Variants in ZC4H2 observed in about 807,000 individuals in gnomAD.
ZC4H2 encodes zinc finger C4H2-type containing, also known as zinc finger C4H2 domain-containing protein.
For missense variants in ZC4H2, 137 were observed against 173.9 expected (o/e 0.79, Z 1.19); for synonymous variants, 84 against 66.3 (o/e 1.27, Z -1.30).
chrX:65,002,425 G>C (rs773332696), intron 1 of ZC4H2, among the ~76,000 whole-genome samples: 1 of 107,330 alleles, frequency 9.3e-6, no homozygotes, highest in East Asian at 3.0e-4. Context: ...CCGGCCAGCC[G>C]CCCCATCCGG....
chrX:65,023,460 T>C (rs1359432292), intron 1 of ZC4H2, among the ~76,000 whole-genome samples: 2 of 111,664 alleles, frequency 1.8e-5, no homozygotes, highest in Non-Finnish European at 3.8e-5. Flanking sequence ...TGCTTTCAGT[T>C]TTTCTCAAAA....
At chrX:64,960,312 A>G (rs1321460802) in intron 1 of ZC4H2, among the ~76,000 whole-genome samples, 1 of 109,282 alleles carries the variant, frequency 9.2e-6, no homozygotes, top group Non-Finnish European at 1.9e-5. Flanking sequence ...CACCGTTTTA[A>G]TTTTTTTTTA....
intron 1 of ZC4H2, among the ~76,000 whole-genome samples, chrX:65,025,561 G>C (rs1439113656): frequency 9.0e-6 from 1 of 111,643 alleles, no homozygotes; most frequent in African/African-American, 3.3e-5. Flanking sequence ...CTCCGAGTGA[G>C]AGAGTGGGAT....
At chrX:65,003,187 G>A (rs1932583942) in intron 1 of ZC4H2, among the ~76,000 whole-genome samples, 1 of 108,896 alleles carries the variant, frequency 9.2e-6, no homozygotes, top group South Asian at 3.9e-4. Context: ...AATGACTACT[G>A]GGTAAATAAC....
At chrX:64,967,460 G>C (rs1048946175) in intron 1 of ZC4H2, among the ~76,000 whole-genome samples, 2 of 111,862 alleles carry the variant, frequency 1.8e-5, no homozygotes, top group African/African-American at 6.5e-5. Context: ...GGTTCTTGTG[G>C]ATGAATGATA....
At chrX:64,980,805 G>T (rs1057061395), upstream of ZC4H2, among the ~76,000 whole-genome samples, 1 of 110,756 alleles carries the variant, frequency 9.0e-6, no homozygotes, top group Non-Finnish European at 1.9e-5. Flanking sequence ...AGTTACCCAA[G>T]ATCCCAGTTC....
intron 1 of ZC4H2, among the ~76,000 whole-genome samples, chrX:64,926,354 A>G (rs925253468): frequency 4.4e-5 from 5 of 112,546 alleles, no homozygotes; most frequent in African/African-American, 1.6e-4. Context: ...GTAATTATGA[A>G]TAAAGCCACT....
At chrX:64,937,447 T>G (rs1273003943) in intron 1 of ZC4H2, among the ~76,000 whole-genome samples, 1 of 111,557 alleles carries the variant, frequency 9.0e-6, no homozygotes, top group Non-Finnish European at 1.9e-5. Flanking sequence ...CTAATAGATA[T>G]CTACAGAACT....
At chrX:64,923,426 C>T (rs1929292765) in intron 1 of ZC4H2, among the ~76,000 whole-genome samples, 2 of 110,341 alleles carry the variant, frequency 1.8e-5, no homozygotes, top group Non-Finnish European at 3.8e-5. Context: ...TTTGTAGTCT[C>T]CTTTCTTCTC....
chrX:64,946,013 G>A (rs1218615620), intron 1 of ZC4H2, among the ~76,000 whole-genome samples: 4 of 110,982 alleles, frequency 3.6e-5, no homozygotes, highest in African/African-American at 6.6e-5. Flanking sequence ...TAGCTTGCTG[G>A]GCTCTGTGGG....
At chrX:65,006,653 A>T (rs1323656047) in intron 1 of ZC4H2, among the ~76,000 whole-genome samples, 1 of 111,754 alleles carries the variant, frequency 8.9e-6, no homozygotes, top group Non-Finnish European at 1.9e-5. Flanking sequence ...GCACATGTAT[A>T]CATATGCAAT....
At chrX:65,020,704 G>A (rs914859353) in intron 1 of ZC4H2, among the ~76,000 whole-genome samples, 4 of 111,451 alleles carry the variant, frequency 3.6e-5, no homozygotes, top group East Asian at 2.8e-4. Context: ...AAAAGTAAAC[G>A]AGCTAAATGC....
rs1484560905 is a variant in ZC4H2 at position 64,920,163 on chromosome X, C to T, written c.316G>A (p.Glu106Lys). 11 of 1,211,586 alleles carry T rather than the reference C, an allele frequency of 9.1e-6. No homozygotes were observed. The highest frequency in any genetic ancestry group is 1.2e-5 in the Non-Finnish European group (11 of 895,438). The change falls in exon 3 of 5, where the codon GAA (glutamate) becomes AAA (lysine). Residue 106 changes from glutamate to lysine, a missense_variant. Glu to Lys is a moderately conservative substitution (Grantham distance 56). Transcript: ENST00000374839. ...GTCATGCGCAGGGCATCCACATGTT[C>T]TTTCAGTGGCTTATACTCATCATGC... The part of the protein sequence containing the change: ...RLHDEYKPLK[E>K]HVDALRMTLG...
At chrX:64,938,313 A>T (rs1930106565) in intron 1 of ZC4H2, among the ~76,000 whole-genome samples, 1 of 112,140 alleles carries the variant, frequency 8.9e-6, no homozygotes, top group African/African-American at 3.2e-5. Flanking sequence ...AACCAAAAAA[A>T]GTCCAGGACC....
intron 1 of ZC4H2, among the ~76,000 whole-genome samples, chrX:65,013,079 A>G (rs1389697716): frequency 9.0e-6 from 1 of 111,483 alleles, no homozygotes; most frequent in Non-Finnish European, 1.9e-5. Flanking sequence ...CGTGCTAGCA[A>G]CGAAGAAAAT....
intron 1 of ZC4H2, among the ~76,000 whole-genome samples, chrX:64,952,365 G>T (rs374389038): frequency 9.2e-6 from 1 of 108,937 alleles, no homozygotes; most frequent in Non-Finnish European, 1.9e-5. Flanking sequence ...GATGGGGATG[G>T]CATTGAATCT....
At chrX:65,006,028 A>T (rs1044926189) in intron 1 of ZC4H2, among the ~76,000 whole-genome samples, 2 of 111,932 alleles carry the variant, frequency 1.8e-5, no homozygotes, top group Non-Finnish European at 3.8e-5. Context: ...CACGCCAGTT[A>T]GAATGGTGAT....
intron 1 of ZC4H2, among the ~76,000 whole-genome samples, chrX:64,941,547 A>C (rs1930280806): frequency 8.9e-6 from 1 of 111,868 alleles, no homozygotes; most frequent in African/African-American, 3.3e-5. Context: ...AATAGCTCTT[A>C]TTATTTTGAG....
At chrX:64,931,795 T>C (rs1028693867) in intron 1 of ZC4H2, among the ~76,000 whole-genome samples, 1 of 111,648 alleles carries the variant, frequency 9.0e-6, no homozygotes, top group Admixed American at 9.5e-5. Context: ...TGGAGAATGT[T>C]CCATACACTG....
Sources: gnomAD v4.1 joint callset for allele counts (sites outside exome capture counted in the v4.1 genomes callset) on GRCh38, gnomAD v4.1.1 for gene constraint, MANE v1.5 for transcripts, NCBI Gene and HGNC (gene_info 2026-07-23, HGNC 2026-07-21) for gene names.